Variants in ARMC2 observed in about 807,000 individuals in gnomAD.
ARMC2 encodes the protein armadillo repeat containing 2, also known as armadillo repeat-containing protein 2.
ARMC2 carries 67 observed loss-of-function variants against 90.3 expected under a neutral mutation model. The ratio of observed to expected loss-of-function variants is 0.74; its 90% confidence interval spans 0.61 to 0.91. ARMC2 has a LOEUF of 0.91. Among genes scored for constraint, ARMC2 ranks in the 40% least tolerant of loss-of-function variants. ARMC2 has a pLI of 0.00. For missense variants in ARMC2, 920 were observed against 1,030.9 expected, an observed-to-expected ratio of 0.89 and a Z score of 1.47; for synonymous variants, 393 against 393.0, an observed-to-expected ratio of 1.00 and a Z score of 0.00.
At chr6:109,043,129 T>A in the ARMC2 span, among the ~76,000 whole-genome samples, 1 of 152,088 alleles carries the variant, frequency 6.6e-6, no homozygotes, top group Non-Finnish European at 1.5e-5. Context: ...AACATTTGAG[T>A]AAATTTAACA....
At chr6:108,935,388 C>G (rs1775873782) in intron 11 of ARMC2, among the ~76,000 whole-genome samples, 1 of 152,060 alleles carries the variant, frequency 6.6e-6, no homozygotes, top group Non-Finnish European at 1.5e-5. Flanking sequence ...CCTCCTTAAA[C>G]CTATAAATTT....
At chr6:108,929,554 C>A (rs1362721027) in intron 11 of ARMC2, among the ~76,000 whole-genome samples, 1 of 152,178 alleles carries the variant, frequency 6.6e-6, no homozygotes, top group Non-Finnish European at 1.5e-5. Flanking sequence ...TGGCTTACTA[C>A]AGCCTCGACT....
At chr6:108,991,228 A>AGTGTGTGT in the ARMC2 span, among the ~76,000 whole-genome samples, 2 of 148,048 alleles carry the variant, frequency 1.4e-5, no homozygotes, top group Non-Finnish European at 3.0e-5. Flanking sequence ...TCAAATTATG[A>AGTGTGTGT]GTGTGTGTGT....
At chr6:108,938,870 A>G (rs1033654795) in intron 12 of ARMC2, among the ~76,000 whole-genome samples, 1 of 152,216 alleles carries the variant, frequency 6.6e-6, no homozygotes, top group Non-Finnish European at 1.5e-5. Context: ...GATGATGGCC[A>G]TATGGAATAA....
At chr6:108,866,821 T>G (rs1775869202) in intron 3 of ARMC2, among the ~76,000 whole-genome samples, 1 of 152,140 alleles carries the variant, frequency 6.6e-6, no homozygotes, top group Admixed American at 6.5e-5. Flanking sequence ...ATTTTTTTGG[T>G]CTGGTTTATA....
At chr6:108,983,023 T>G in the ARMC2 span, among the ~76,000 whole-genome samples, 1 of 151,614 alleles carries the variant, frequency 6.6e-6, no homozygotes, top group East Asian at 2.0e-4. Flanking sequence ...TTTCCTATGT[T>G]GGCCAGGATG....
intron 5 of ARMC2, among the ~76,000 whole-genome samples, chr6:108,889,905 C>T (rs1234182581): frequency 2.0e-5 from 3 of 150,220 alleles, no homozygotes; most frequent in South Asian, 4.3e-4. Context: ...ACAGTGGTTC[C>T]GGGCCGGGCG....
chr6:109,000,450 A>T, the ARMC2 span: 2 of 1,388,364 alleles, frequency 1.4e-6, no homozygotes, highest in South Asian at 2.0e-5. Flanking sequence ...GCTCTAAAAA[A>T]GTCTGAAATG....
intron 13 of ARMC2, 48 bp downstream of exon 13, chr6:108,953,399 G>A (rs758747935): frequency 2.5e-5 from 38 of 1,525,888 alleles, no homozygotes; most frequent in African/African-American, 5.5e-5. Context: ...CAACTTTCCC[G>A]CGGCCCAAAG....
chr6:108,859,108 A>G (rs1435108608), intron 3 of ARMC2, among the ~76,000 whole-genome samples: 3 of 152,222 alleles, frequency 2.0e-5, no homozygotes, highest in Non-Finnish European at 4.4e-5. Context: ...TTTCCCTGGC[A>G]TTAATAATTG....
At chr6:108,937,559 G>A (rs1776053976) in intron 12 of ARMC2, among the ~76,000 whole-genome samples, 1 of 152,064 alleles carries the variant, frequency 6.6e-6, no homozygotes, top group Non-Finnish European at 1.5e-5. Context: ...AACATTTCCA[G>A]GTAAAGTGTT....
chr6:108,976,083 A>G (rs1483140499), downstream of ARMC2, among the ~76,000 whole-genome samples: 1 of 152,166 alleles, frequency 6.6e-6, no homozygotes, highest in African/African-American at 2.4e-5. Flanking sequence ...GCCCATGCCA[A>G]TGTCCTGAAT....
At chr6:108,872,621 T>A (rs1488941386) in intron 4 of ARMC2, among the ~76,000 whole-genome samples, 1 of 152,214 alleles carries the variant, frequency 6.6e-6, no homozygotes, top group Non-Finnish European at 1.5e-5. Flanking sequence ...CAACACGACA[T>A]GGCTGTGAGC....
chr6:108,888,479 T>C (rs1377770054), intron 5 of ARMC2, among the ~76,000 whole-genome samples: 1 of 152,190 alleles, frequency 6.6e-6, no homozygotes, highest in Admixed American at 6.5e-5. Context: ...CATCTTTAAA[T>C]ATGTGCAGGA....
chr6:108,911,485 AG>A (rs748821705), intron 9 of ARMC2, among the ~76,000 whole-genome samples: 4 of 152,174 alleles, frequency 2.6e-5, no homozygotes, highest in Non-Finnish European at 5.9e-5. Flanking sequence ...TAAGTAATTA[AG>A]ATATCTAGTT....
intron 1 of ARMC2, among the ~76,000 whole-genome samples, chr6:108,853,726 C>T (rs929611371): frequency 2.0e-5 from 3 of 152,124 alleles, no homozygotes; most frequent in Admixed American, 2.0e-4. Flanking sequence ...TGAGTTGAAT[C>T]AATTCATTCA....
downstream of ARMC2, among the ~76,000 whole-genome samples, chr6:108,975,954 C>T (rs558564883): frequency 2.4e-4 from 37 of 152,116 alleles, no homozygotes; most frequent in Non-Finnish European, 4.9e-4. Context: ...TGTAGGTTGC[C>T]TGTTCACTCT....
chr6:109,008,234 C>A, the ARMC2 span, among the ~76,000 whole-genome samples: 3 of 152,164 alleles, frequency 2.0e-5, no homozygotes. Context: ...CAGATCTATT[C>A]AAGCATGATG....
At chr6:108,870,125 G>A (rs2128430375) in intron 4 of ARMC2, among the ~76,000 whole-genome samples, 1 of 152,280 alleles carries the variant, frequency 6.6e-6, no homozygotes, top group Middle Eastern at 3.4e-3. Context: ...AAGATTTGAT[G>A]AAGAGAGATA....
Sources: allele counts gnomAD v4.1 joint callset (sites outside exome capture counted in the v4.1 genomes callset), GRCh38; gene constraint gnomAD v4.1.1; transcripts MANE v1.5; gene names NCBI Gene and HGNC (gene_info 2026-07-23, HGNC 2026-07-21).